Variants in NAV1 observed in about 807,000 individuals in gnomAD.
The protein encoded by NAV1 is neuron navigator 1.
A neutral mutation model predicts 175.2 loss-of-function variants in NAV1; 18 were observed. The observed-to-expected ratio is 0.10, with a 90% CI of 0.07 to 0.15. The LOEUF is 0.15. Ranked by LOEUF, NAV1 falls within the 10% of genes least tolerant of loss-of-function variation. The probability of loss-of-function intolerance (pLI) is 1.00; values close to 1 mark genes in which losing one functional copy is unlikely to be tolerated. For missense variants in NAV1, 1,731 were observed against 2,436.6 expected, an observed-to-expected ratio of 0.71 and a Z score of 6.10; for synonymous variants, 897 against 978.7, an observed-to-expected ratio of 0.92 and a Z score of 1.56.
chr1:201,675,472 C>T (rs1156894556), intron 1 of NAV1, among the ~76,000 whole-genome samples: 2 of 152,182 alleles, frequency 1.3e-5, no homozygotes, highest in African/African-American at 4.8e-5. Flanking sequence ...ATAAAAGTCC[C>T]TGCTTTTAGA....
chr1:201,586,887 C>T (rs1331405458), intron 1 of NAV1, among the ~76,000 whole-genome samples: 2 of 152,108 alleles, frequency 1.3e-5, no homozygotes, highest in Non-Finnish European at 2.9e-5. Flanking sequence ...TTCATAGCAC[C>T]TCTGAACTGT....
intron 2 of NAV1, among the ~76,000 whole-genome samples, chr1:201,596,811 T>G (rs1460314890): frequency 6.7e-6 from 1 of 149,464 alleles, no homozygotes; most frequent in Non-Finnish European, 1.5e-5. Context: ...AGTTTGTTTG[T>G]TTTTTGTTTG....
At chr1:201,695,036 AG>A (rs1671129851) in intron 1 of NAV1, among the ~76,000 whole-genome samples, 1 of 152,244 alleles carries the variant, frequency 6.6e-6, no homozygotes, top group Non-Finnish European at 1.5e-5. Flanking sequence ...AGGGTTGGCC[AG>A]ACCCTGAGTG....
chr1:201,799,197 G>GTGTGT (rs1558179137), intron 15 of NAV1, among the ~76,000 whole-genome samples: 2 of 115,102 alleles, frequency 1.7e-5, no homozygotes, highest in Admixed American at 1.8e-4. Flanking sequence ...TGTGTGTGTG[G>GTGTGT]AGAGAGAGAG....
chr1:201,783,950 C>T, intron 7 of NAV1, 98 bp downstream of exon 11: 1 of 1,182,960 alleles, frequency 8.5e-7, no homozygotes, highest in South Asian at 1.6e-5. Flanking sequence ...CATTTTGTGA[C>T]TTTTGACATT....
chr1:201,826,723 A>G (rs1679695056), exon 30 of NAV1: 8 of 152,222 alleles, frequency 5.3e-5, no homozygotes, highest in Admixed American at 5.2e-4. Flanking sequence ...TCTGGAAAGC[A>G]AACTGTTGTA....
At chr1:201,563,404 T>C (rs1666260416) in intron 1 of NAV1, among the ~76,000 whole-genome samples, 1 of 151,826 alleles carries the variant, frequency 6.6e-6, no homozygotes, top group Non-Finnish European at 1.5e-5. Flanking sequence ...ATGTTGGAAC[T>C]GGGCCCAGAG....
intron 2 of NAV1, among the ~76,000 whole-genome samples, chr1:201,597,905 C>T (rs1190387173): frequency 6.6e-6 from 1 of 152,200 alleles, no homozygotes; most frequent in Non-Finnish European, 1.5e-5. Context: ...TTCCAGAGAG[C>T]AGAGTCGGGG....
chr1:201,749,291 C>CA (rs1423738187), intron 3 of NAV1, among the ~76,000 whole-genome samples: 1 of 152,144 alleles, frequency 6.6e-6, no homozygotes, highest in Non-Finnish European at 1.5e-5. Context: ...CCCCACTTAG[C>CA]AAAAAAATTC....
chr1:201,746,856 T>C (rs1320899786), intron 3 of NAV1, among the ~76,000 whole-genome samples: 2 of 151,842 alleles, frequency 1.3e-5, no homozygotes, highest in African/African-American at 2.4e-5. Flanking sequence ...TACAAAAAAT[T>C]AGCCGAGCCT....
At chr1:201,799,848 G>T (rs968738942) in intron 15 of NAV1, among the ~76,000 whole-genome samples, 2 of 139,720 alleles carry the variant, frequency 1.4e-5, no homozygotes, top group Non-Finnish European at 3.1e-5. Flanking sequence ...CAACAAGAGT[G>T]AAACTTCATC....
chr1:201,738,624 G>A (rs1380616512), intron 3 of NAV1, among the ~76,000 whole-genome samples: 9 of 147,378 alleles, frequency 6.1e-5, no homozygotes, highest in Non-Finnish European at 8.8e-5. Flanking sequence ...CAGTGAGAGC[G>A]AGGAGGAGGA....
chr1:201,727,023 T>C (rs1367241829), intron 3 of NAV1, among the ~76,000 whole-genome samples: 2 of 152,220 alleles, frequency 1.3e-5, no homozygotes, highest in Non-Finnish European at 2.9e-5. Flanking sequence ...GGATGAGTTT[T>C]TCACCTCCCT....
At chr1:201,561,802 C>T (rs528725653) in intron 1 of NAV1, among the ~76,000 whole-genome samples, 6 of 152,272 alleles carry the variant, frequency 3.9e-5, no homozygotes, top group African/African-American at 1.4e-4. Flanking sequence ...TGTGCCTTGC[C>T]CATCAGCCTG....
In NAV1 at chr1:201,684,855, C is replaced by G. The variant is rs578209903; in HGVS notation, c.758-27962C>G. Among the ~76,000 whole-genome samples the G allele has an allele frequency of 4.0e-4, 60 of 150,696 alleles. 1 individual carries two copies. Among genetic ancestry groups the G allele is most frequent in the South Asian group, 3.2e-3 (15 of 4,712 alleles). Reference sequence around the variant, plus strand: ...GCGAGCGCCTGTAATCCCAGCTACTCGAGAGGCTGAGGCAGGAGAATGACG... The same window carrying G: ...GCGAGCGCCTGTAATCCCAGCTACTGGAGAGGCTGAGGCAGGAGAATGACG... On this transcript the variant is annotated intron_variant, in intron 1 of 29. Transcript: ENST00000367296.
intron 14 of NAV1, 34 bp downstream of exon 18, chr1:201,793,909 T>TGTTGGGGGGGGGGGGGGCCCCC: frequency 1.9e-6 from 1 of 516,472 alleles, no homozygotes. Context: ...GAGGGGTGGG[T>TGTTGGGGGGGGGGGGGGCCCCC]GCGGCGAGGG....
intron 3 of NAV1, among the ~76,000 whole-genome samples, chr1:201,765,047 A>G (rs879543999): frequency 2.6e-5 from 4 of 152,210 alleles, no homozygotes; most frequent in Non-Finnish European, 4.4e-5. Context: ...AACTTCAGCA[A>G]GGAAGCCTTG....
At chr1:201,686,288 G>A (rs1189614208) in intron 1 of NAV1, among the ~76,000 whole-genome samples, 1 of 134,696 alleles carries the variant, frequency 7.4e-6, no homozygotes, top group Non-Finnish European at 1.5e-5. Flanking sequence ...CTTCATCCCT[G>A]CCCCCTCAGT....
At chr1:201,781,862 T>TC (rs974040566) in intron 5 of NAV1, among the ~76,000 whole-genome samples, 1 of 152,176 alleles carries the variant, frequency 6.6e-6, no homozygotes, top group African/African-American at 2.4e-5. Flanking sequence ...ACCTTTTTTT[T>TC]CCCTTCCACA....
Sources: allele counts gnomAD v4.1 joint callset (sites outside exome capture counted in the v4.1 genomes callset), GRCh38; gene constraint gnomAD v4.1.1; transcripts MANE v1.5; gene names NCBI Gene and HGNC (gene_info 2026-07-23, HGNC 2026-07-21).